The following PUM2 variants were observed in gnomAD, a reference collection of about 807,000 sequenced individuals.
PUM2 encodes pumilio homolog 2.
A neutral mutation model predicts 124.5 loss-of-function variants in PUM2; 57 were observed. The ratio of observed to expected loss-of-function variants is 0.46; its 90% CI spans 0.37 to 0.57. PUM2 has a LOEUF of 0.57. Among genes scored for constraint, PUM2 ranks in the 20% least tolerant of loss-of-function variants. The pLI is 0.00. For synonymous variants in PUM2, 460 were observed against 446.1 expected (o/e 1.03, Z -0.39); for missense variants, 1,065 against 1,290.6 (o/e 0.83, Z 2.68).
At position 20,263,273 on chromosome 2, in the gene PUM2, T is replaced by G. The variant is rs1318970379; in HGVS notation, c.2145A>C (p.Arg715Ser). 2 of 1,612,788 alleles carry G rather than the reference T, an allele frequency of 1.2e-6. No individual in the cohort carries two copies. The highest frequency in any genetic ancestry group is 1.1e-5 in the South Asian group (1 of 91,056). The change falls in exon 14 of 21, where the codon AGA (arginine) becomes AGC (serine). Residue 715 changes from arginine to serine, a missense_variant. By Grantham distance (110) the Arg-to-Ser change is moderately radical. This residue lies in a region of PUM2 where 968 missense variants were observed against 1,159.8 expected (regional missense o/e 0.83). Coordinates refer to ENST00000361078, the MANE Select transcript of PUM2 (RefSeq NM_015317.5). The part of the protein sequence containing the change: ...SGRSRLLEDF[R>S]NNRFPNLQLR... The stretch of plus-strand genomic sequence containing the variant: ...GCTGAAGGTTTGGGAAGCGGTTGTT[T>G]CTGAAATCTTCCAATAATCTACTGC...
intron 15 of PUM2, among the ~76,000 whole-genome samples, chr2:20,259,006 C>T (rs11902769): frequency 0.28 from 43,300 of 152,014 alleles, 6,492 homozygotes; most frequent in Middle Eastern, 0.34. Flanking sequence ...CTTAGCCATA[C>T]GTTGACCACC....
In PUM2 at chr2:20,283,106, T is replaced by C. The variant is rs372423465; in HGVS notation, c.1561A>G (p.Asn521Asp). The C allele has an allele frequency of 1.6e-5, 26 of 1,614,074 alleles. No homozygotes were observed. The highest frequency in any genetic ancestry group is 6.7e-5 in the Admixed American group (4 of 59,978). ...AAAGAACTGCTTCCATAAAATGAAT[T>C]AGATTGCAGATTAGTGCTTGGCTGC... ...QQQPSTNLQS[N>D]SFYGSSSLTN... is the part of the protein sequence containing the mutation. The change falls in exon 12 of 21, where the codon AAT becomes GAT. Residue 521 changes from asparagine to aspartate, a missense_variant. Physicochemically the swap from Asn to Asp is conservative, Grantham distance 23. Coordinates refer to ENST00000361078, the MANE Select transcript of PUM2 (RefSeq NM_015317.5).
At chr2:20,288,488 G>C (rs1673235615) in intron 10 of PUM2, among the ~76,000 whole-genome samples, 2 of 152,190 alleles carry the variant, frequency 1.3e-5, no homozygotes. Flanking sequence ...GTCCATGAGG[G>C]AAGCAGAGCA....
chr2:20,272,187 G>GAATGAATGAATGAATA (rs1459645366), intron 13 of PUM2, among the ~76,000 whole-genome samples: 19 of 147,508 alleles, frequency 1.3e-4, no homozygotes, highest in East Asian at 3.9e-4. Flanking sequence ...ATGAATGAAT[G>GAATGAATGAATGAATA]AATAAATAAA....
intron 13 of PUM2, among the ~76,000 whole-genome samples, chr2:20,269,147 C>T (rs961396670): frequency 1.3e-5 from 2 of 151,890 alleles, no homozygotes; most frequent in African/African-American, 4.8e-5. Context: ...CTTAAGTCTG[C>T]AAAATGACTG....
intron 2 of PUM2, among the ~76,000 whole-genome samples, chr2:20,325,767 G>A (rs1683535454): frequency 2.0e-5 from 3 of 152,136 alleles, no homozygotes; most frequent in African/African-American, 4.8e-5. Context: ...GACTACAGGC[G>A]CCTGCCGCCA....
At chr2:20,305,463 GAAAAAAAAAAA>G (rs67834545) in intron 7 of PUM2, among the ~76,000 whole-genome samples, 15 of 46,144 alleles carry the variant, frequency 3.3e-4, no homozygotes, top group Admixed American at 3.7e-4. Flanking sequence ...CCCTGTCTTC[GAAAAAAAAAAA>G]AAAAAAAAAA....
intron 8 of PUM2, among the ~76,000 whole-genome samples, chr2:20,296,262 G>A (rs1437375700): frequency 3.9e-5 from 6 of 152,174 alleles, no homozygotes; most frequent in African/African-American, 9.7e-5. Flanking sequence ...TTGGGAGGCC[G>A]AGGCAGGCGG....
chr2:20,326,979 C>G (rs1683834008), intron 2 of PUM2, among the ~76,000 whole-genome samples: 1 of 151,734 alleles, frequency 6.6e-6, no homozygotes, highest in African/African-American at 2.4e-5. Flanking sequence ...AAAGCAAACA[C>G]AGCATACATA....
chr2:20,315,695 G>T (rs557397096), intron 3 of PUM2, among the ~76,000 whole-genome samples: 1 of 151,828 alleles, frequency 6.6e-6, no homozygotes, highest in African/African-American at 2.4e-5. Context: ...GCATAGTGGC[G>T]CATACTTTTA....
intron 7 of PUM2, among the ~76,000 whole-genome samples, chr2:20,300,223 C>A (rs186149498): frequency 4.6e-5 from 7 of 151,944 alleles, no homozygotes; most frequent in African/African-American, 1.7e-4. Context: ...GATCTTGGCT[C>A]ACCACAACCT....
At chr2:20,264,770 G>C (rs531693709) in intron 13 of PUM2, among the ~76,000 whole-genome samples, 1 of 152,086 alleles carries the variant, frequency 6.6e-6, no homozygotes, top group African/African-American at 2.4e-5. Flanking sequence ...TGGTCCCAAG[G>C]ATACACTGTC....
chr2:20,253,758 G>T, intron 20 of PUM2, 64 bp downstream of exon 20: 1 of 1,384,326 alleles, frequency 7.2e-7, no homozygotes, highest in South Asian at 1.5e-5. Flanking sequence ...AAAGCCCAAG[G>T]AGGTTAAATG....
chr2:20,299,398 C>T (rs2148363142), intron 7 of PUM2, among the ~76,000 whole-genome samples: 1 of 152,168 alleles, frequency 6.6e-6, no homozygotes, highest in East Asian at 1.9e-4. Flanking sequence ...GGCATGGTGG[C>T]TCATGCCTGT....
chr2:20,317,037 A>G (rs1180067791), intron 3 of PUM2, among the ~76,000 whole-genome samples: 5 of 148,640 alleles, frequency 3.4e-5, no homozygotes, highest in African/African-American at 1.2e-4. Flanking sequence ...TCTCAGGGGA[A>G]AAAAAAAAAA....
intron 7 of PUM2, 150 bp downstream of exon 7, chr2:20,307,828 T>C (rs528096415): frequency 2.0e-6 from 2 of 1,014,012 alleles, no homozygotes; most frequent in East Asian, 3.0e-5. Flanking sequence ...AATTCCCTAG[T>C]TAATAAACAC....
At chr2:20,307,821 TC>T (rs1678703566) in intron 7 of PUM2, among the ~76,000 whole-genome samples, 156 bp downstream of exon 7, 1 of 152,202 alleles carries the variant, frequency 6.6e-6, no homozygotes, top group South Asian at 2.1e-4. Flanking sequence ...CAGAAACAAT[TC>T]CCTAGTTAAT....
In PUM2 at chr2:20,278,605, T is replaced by C. The variant is rs373929763; in HGVS notation, c.1935A>G (p.Gly645=). The part of the protein sequence containing the change: ...LTPPPSLSSH[G]SSSSLHLGGL... ...TACCTAAATGCAAACTGGATGAGGA[T>C]CCATGTGATGAAAGTGATGGCGGTG... The change falls in exon 13 of 21, where the codon GGA becomes GGG. Residue 645 remains glycine (G), a synonymous_variant. Coordinates refer to ENST00000361078, the MANE Select transcript of PUM2 (RefSeq NM_015317.5). The C allele has an allele frequency of 2.5e-6, 4 of 1,612,170 alleles. No homozygotes were observed. The highest frequency in any genetic ancestry group is 3.4e-6 in the Non-Finnish European group (4 of 1,178,758).
intron 2 of PUM2, among the ~76,000 whole-genome samples, chr2:20,321,987 AAAAAT>A (rs1021664888): frequency 3.9e-5 from 6 of 152,124 alleles, no homozygotes; most frequent in Admixed American, 3.3e-4. Flanking sequence ...CATCAAAAAA[AAAAAT>A]AAAATAAACT....
Sources: allele counts gnomAD v4.1 joint callset (sites outside exome capture counted in the v4.1 genomes callset), GRCh38; gene constraint gnomAD v4.1.1; regional missense constraint gnomAD v4.1.1; transcripts MANE v1.5; gene names NCBI Gene and HGNC (gene_info 2026-07-23, HGNC 2026-07-21).